Variants in NBPF26 observed in about 807,000 individuals in gnomAD.
NBPF26 encodes NBPF member 26, also known as NBPF family member NBPF26.
Under a neutral mutation model 119.6 loss-of-function variants are expected in NBPF26, and 79 were observed. The ratio of observed to expected loss-of-function variants is 0.66; its 90% CI spans 0.55 to 0.80. The LOEUF (loss-of-function observed/expected upper bound fraction) is 0.80, where lower values mean the gene tolerates loss of function less well. NBPF26 is among the 30% of genes least tolerant of loss of function. The pLI is 0.00. For missense variants in NBPF26, 800 were observed against 1,198.2 expected (o/e 0.67, Z 4.91); for synonymous variants, 299 against 457.7 (o/e 0.65, Z 4.43).
chr1:120,825,168 T>A (rs1490482150), intron 18 of NBPF26, among the ~76,000 whole-genome samples: 8 of 120,680 alleles, frequency 6.6e-5, no homozygotes, highest in African/African-American at 3.9e-4. Flanking sequence ...CTTGAGCAAG[T>A]TTATGGAAAA....
intron 15 of NBPF26, among the ~76,000 whole-genome samples, chr1:120,821,893 C>A (rs1193131456): frequency 8.3e-6 from 1 of 121,028 alleles, no homozygotes; most frequent in African/African-American, 4.1e-5. Context: ...GGCAAATGTA[C>A]TGAGCACACG....
At chr1:120,822,955 C>A (rs1652152054) in intron 16 of NBPF26, among the ~76,000 whole-genome samples, 1 of 126,136 alleles carries the variant, frequency 7.9e-6, no homozygotes, top group Non-Finnish European at 1.6e-5. Flanking sequence ...CTATCAAATT[C>A]TGGGTATTTA....
Position 120,822,340 on chromosome 1 carries a change from G to A in NBPF26, c.2587+73G>A. The A allele has an allele frequency of 1.3e-5, 9 of 714,960 alleles. 1 individual carries two copies. The highest frequency in any genetic ancestry group is 1.9e-5 in the Non-Finnish European group (9 of 483,572). 44.3% of individuals were successfully genotyped at this position (714,960 alleles called of 1,614,324 possible). On this transcript the variant is annotated intron_variant, in intron 16 of 29. Coordinates refer to ENST00000620612, the Ensembl canonical transcript of NBPF26. ...GTAGACCCCATAATCTTTGGGCCTT[G>A]TGCCCCTTCTTGGGCTGAGATTTGC...
intron 23 of NBPF26, 106 bp downstream of exon 27, chr1:120,833,089 T>C: frequency 1.6e-6 from 1 of 641,944 alleles, no homozygotes; most frequent in South Asian, 1.6e-5. Flanking sequence ...GAAGGCTGAA[T>C]TACTCCTCCT....
At chr1:120,785,044 G>C (rs1434891499) in exon 3 of NBPF26, 1 of 1,444,906 alleles carries the variant, frequency 6.9e-7, no homozygotes, top group Admixed American at 1.9e-5. Context: ...CTGCCAGAAT[G>C]GTGGGACTTG....
intron 12 of NBPF26, among the ~76,000 whole-genome samples, chr1:120,815,538 C>T (rs1285292809): frequency 1.0e-5 from 1 of 100,002 alleles, no homozygotes; most frequent in Non-Finnish European, 1.8e-5. Flanking sequence ...GATGAAGTCC[C>T]TCGCCGTGTG....
chr1:120,794,190 G>T (rs1651529444), intron 4 of NBPF26, among the ~76,000 whole-genome samples: 1 of 116,590 alleles, frequency 8.6e-6, no homozygotes, highest in Non-Finnish European at 1.6e-5. Flanking sequence ...TGATACAAGT[G>T]TTGTAGAGTG....
intron 22 of NBPF26, among the ~76,000 whole-genome samples, chr1:120,832,624 G>A (rs1652366063): frequency 8.2e-6 from 1 of 121,328 alleles, no homozygotes. Flanking sequence ...ATAACTGTTT[G>A]CACAAACTTG....
chr1:120,793,429 G>C, exon 4 of NBPF26: 1 of 1,442,526 alleles, frequency 6.9e-7, no homozygotes, highest in Non-Finnish European at 9.3e-7. Context: ...GTGCACACTC[G>C]CCTTGTGTCA....
intron 2 of NBPF26, among the ~76,000 whole-genome samples, chr1:120,781,717 C>G (rs1651363504): frequency 9.8e-6 from 1 of 102,028 alleles, no homozygotes; most frequent in Non-Finnish European, 1.8e-5. Context: ...GCGCCTGCCA[C>G]CACGCCTGGC....
chr1:120,727,959 C>A (rs1256813799), intron 1 of NBPF26, among the ~76,000 whole-genome samples: 1 of 118,990 alleles, frequency 8.4e-6, no homozygotes, highest in African/African-American at 4.7e-5. Flanking sequence ...GGTTTGGTGA[C>A]CTTGTAGGAG....
intron 2 of NBPF26, among the ~76,000 whole-genome samples, chr1:120,782,172 GA>G (rs1266433425): frequency 1.1e-5 from 1 of 94,994 alleles, no homozygotes; most frequent in Non-Finnish European, 1.9e-5. Context: ...CTGGAAAAAA[GA>G]AAACAAAAGG....
chr1:120,784,301 T>C (rs2101452839), intron 2 of NBPF26, among the ~76,000 whole-genome samples: 1 of 117,724 alleles, frequency 8.5e-6, no homozygotes. Context: ...TTGTACCTCA[T>C]ATGTAAGTAT....
chr1:120,824,058 T>C (rs1553272447), exon 18 of NBPF26: 11,527 of 483,818 alleles, frequency 0.024, 1,399 homozygotes, highest in Non-Finnish European at 0.025. Flanking sequence ...CTTCAGGTTG[T>C]CTTGAACTGA....
chr1:120,811,812 C>T lies in NBPF26; in HGVS notation c.1565-74C>T, dbSNP rs1302984391. ...AAGTAAACAAGGCTACCAGTGACAT[C>T]CCTCAGTCCTGATTAAGCCTATTTG... On this transcript the variant is annotated intron_variant, in intron 9 of 29. Coordinates refer to ENST00000620612, the Ensembl canonical transcript of NBPF26. The T allele has an allele frequency of 4.7e-5, 33 of 694,758 alleles. 9 individuals carry two copies. The highest frequency in any genetic ancestry group is 7.4e-5 in the Non-Finnish European group (30 of 403,092). The allele number at this position is 694,758 out of a possible 1,614,324, so 43.0% of individuals were successfully genotyped here.
At position 120,840,464 on chromosome 1, in the gene NBPF26, C is replaced by G. The variant is rs1553273496; in HGVS notation, c.4218C>G (p.Tyr1406Ter). 3 of 1,478,632 alleles carry G rather than the reference C, an allele frequency of 2.0e-6. 1 individual carries two copies. Among genetic ancestry groups the G allele is most frequent in the East Asian group, 4.5e-5 (2 of 44,446 alleles). The allele number at this position is 1,478,632 out of a possible 1,614,324, so 91.6% of individuals were successfully genotyped here. Residue 1406 changes from tyrosine to a stop codon, truncating the protein, a stop_gained, in exon 30 of 30, where the codon TAC becomes TAG. Coordinates refer to ENST00000620612, the Ensembl canonical transcript of NBPF26. LOFTEE classifies it low-confidence loss of function (END_TRUNC). ...AACTACCTGACTCATTCCAGCACTA[C>G]AGAAGTGTGTTTTACTCATTTGAGG...
At chr1:120,810,981 CT>C (rs1376603612) in intron 9 of NBPF26, among the ~76,000 whole-genome samples, 1 of 105,598 alleles carries the variant, frequency 9.5e-6, no homozygotes, top group East Asian at 2.2e-4. Flanking sequence ...TGGGTCACAC[CT>C]GTAATCCGAG....
chr1:120,840,782 TA>T, downstream of NBPF26: 1 of 770,068 alleles, frequency 1.3e-6, no homozygotes, highest in Non-Finnish European at 1.9e-6. Flanking sequence ...GGACCCACGT[TA>T]GGTGTGACAC....
exon 30 of NBPF26, chr1:120,840,386 A>C (rs1652487871): frequency 1.4e-6 from 2 of 1,463,032 alleles, no homozygotes; most frequent in Non-Finnish European, 1.8e-6. Flanking sequence ...AAGAGCCTGA[A>C]GTCTTGCAGG....
Sources: gnomAD v4.1 joint callset for allele counts (sites outside exome capture counted in the v4.1 genomes callset) on GRCh38, gnomAD v4.1.1 for gene constraint, MANE v1.5 for transcripts, NCBI Gene and HGNC (gene_info 2026-07-23, HGNC 2026-07-21) for gene names.